DOCK5: variants seen among roughly 807,000 people sequenced by gnomAD.
DOCK5 encodes dedicator of cytokinesis 5.
In DOCK5, 142 loss-of-function variants were observed where a neutral mutation model predicts 251.8. That is an observed-to-expected ratio of 0.56 (90% CI 0.49 to 0.65). The LOEUF (loss-of-function observed/expected upper bound fraction) is 0.65, where lower values mean the gene tolerates loss of function less well. Among genes scored for constraint, DOCK5 ranks in the 30% least tolerant of loss-of-function variants. DOCK5 has a pLI of 0.00. For missense variants in DOCK5, 2,111 were observed against 2,312.3 expected, an observed-to-expected ratio of 0.91 and a Z score of 1.79; for synonymous variants, 842 against 835.5, an observed-to-expected ratio of 1.01 and a Z score of -0.13.
At chr8:25,314,823 C>T (rs1805200044) in intron 13 of DOCK5, among the ~76,000 whole-genome samples, 1 of 142,134 alleles carries the variant, frequency 7.0e-6, no homozygotes, top group African/African-American at 2.6e-5. Context: ...CTTGATATCT[C>T]CTTTTCCTTT....
At chr8:25,198,327 G>T (rs992694622) in intron 1 of DOCK5, among the ~76,000 whole-genome samples, 2 of 152,128 alleles carry the variant, frequency 1.3e-5, no homozygotes, top group Non-Finnish European at 2.9e-5. Context: ...TCCCAGCACT[G>T]TGGGAAGCTG....
chr8:25,331,781 CATATAT>C (rs746849662), intron 18 of DOCK5, among the ~76,000 whole-genome samples: 31 of 131,212 alleles, frequency 2.4e-4, no homozygotes, highest in African/African-American at 9.1e-4. Flanking sequence ...TAAATTAATG[CATATAT>C]ATATATATAT....
intron 45 of DOCK5, among the ~76,000 whole-genome samples, chr8:25,396,513 G>A (rs1801347851): frequency 1.3e-5 from 2 of 152,186 alleles, no homozygotes; most frequent in African/African-American, 4.8e-5. Flanking sequence ...CCATGGGATA[G>A]GGTTAGGATG....
intron 38 of DOCK5, among the ~76,000 whole-genome samples, chr8:25,377,868 G>GC (rs796070114): frequency 4.0e-5 from 6 of 151,828 alleles, no homozygotes; most frequent in African/African-American, 1.4e-4. Flanking sequence ...CAATCAGGAA[G>GC]CTCACCCAAG....
chr8:25,369,408 C>T (rs537023006), intron 33 of DOCK5, 148 bp from the exon 34 acceptor site: 2 of 549,528 alleles, frequency 3.6e-6, no homozygotes, highest in South Asian at 6.0e-5. Flanking sequence ...CCTTGGTGCA[C>T]AGTTTATGAG....
rs944379497 is a variant in DOCK5, at chr8:25,390,231, A to T, written c.4299A>T (p.Pro1433=). The T allele has an allele frequency of 1.3e-6, 2 of 1,595,734 alleles. No individual in the cohort carries two copies. Among genetic ancestry groups the T allele is most frequent in the Admixed American group, 3.5e-5 (2 of 57,278 alleles). Residue 1433 remains proline, a synonymous_variant, in exon 42 of 52, where the codon CCA becomes CCT. Coordinates refer to ENST00000276440, the MANE Select transcript of DOCK5 (RefSeq NM_024940.8). ...KQYMQCFTVK[P]VMSLPPSYKD... ...ACATGCAGTGCTTCACTGTAAAGCC[A>T]GTGATGAGCTTGCCGCCCAGCTACA...
chr8:25,394,325 T>G (rs1426183212), intron 44 of DOCK5, among the ~76,000 whole-genome samples: 1 of 152,098 alleles, frequency 6.6e-6, no homozygotes, highest in Non-Finnish European at 1.5e-5. Flanking sequence ...TGTTGACTGA[T>G]AATGGGTAAA....
intron 13 of DOCK5, among the ~76,000 whole-genome samples, chr8:25,314,264 A>G (rs1805178625): frequency 6.6e-6 from 1 of 151,196 alleles, no homozygotes; most frequent in Non-Finnish European, 1.5e-5. Flanking sequence ...AGCATGAGCC[A>G]CCACATCTGG....
In DOCK5 at chr8:25,377,829, G is replaced by T. The variant is rs548433003; in HGVS notation, c.3936+405G>T. ...TGTGTCTTCCCCCTGTGAACTCGGG[G>T]CACCTTCCCAGCAAATCAGTGTGTT... On this transcript the variant is annotated intron_variant, in intron 38 of 51. Transcript: ENST00000276440. 2.0e-5 allele frequency among the ~76,000 whole-genome samples: 3 copies of T among 152,122 alleles called. No homozygotes were observed. In the South Asian group the frequency reaches 6.2e-4, roughly 32 times the overall value.
chr8:25,347,049 G>T (rs1028860261), intron 26 of DOCK5, among the ~76,000 whole-genome samples: 2 of 152,170 alleles, frequency 1.3e-5, no homozygotes, highest in Non-Finnish European at 2.9e-5. Flanking sequence ...CCACAGAACA[G>T]GAAAACCACT....
intron 8 of DOCK5, among the ~76,000 whole-genome samples, chr8:25,299,926 T>C (rs1275593385): frequency 1.3e-5 from 2 of 152,172 alleles, no homozygotes; most frequent in Non-Finnish European, 1.5e-5. Context: ...AAAATTAAAT[T>C]CTTTTTTTAT....
At position 25,308,758 on chromosome 8, in the gene DOCK5, T is replaced by C; in HGVS notation, c.1050-25T>C. ...AGACTTCCTTTCTCCCCCTCCCACC[T>C]TACCTCTTATTTCTCTTTCCCAAGA... On this transcript the variant is annotated intron_variant, in intron 11 of 51. Transcript: ENST00000276440. The C allele has an allele frequency of 1.9e-6, 3 of 1,612,524 alleles. No homozygotes were observed. In the South Asian group the frequency reaches 3.3e-5, roughly 18 times the overall value.
chr8:25,284,802 G>A (rs1341780266), intron 5 of DOCK5, among the ~76,000 whole-genome samples: 3 of 152,208 alleles, frequency 2.0e-5, no homozygotes, highest in Non-Finnish European at 4.4e-5. Context: ...CAAGTCAAAG[G>A]ATCATACTTT....
intron 48 of DOCK5, 108 bp downstream of exon 48, chr8:25,403,832 C>T (rs1202109780): frequency 3.5e-6 from 4 of 1,138,522 alleles, no homozygotes; most frequent in African/African-American, 1.6e-5. Flanking sequence ...GGGTCATTCT[C>T]ATTGTCTTCC....
intron 30 of DOCK5, among the ~76,000 whole-genome samples, chr8:25,365,912 A>G (rs922954704): frequency 1.3e-5 from 2 of 152,230 alleles, no homozygotes; most frequent in African/African-American, 2.4e-5. Context: ...ATGCATGCAC[A>G]TATAGATGAA....
At chr8:25,369,853 G>A (rs1800843281) in intron 34 of DOCK5, among the ~76,000 whole-genome samples, 1 of 152,154 alleles carries the variant, frequency 6.6e-6, no homozygotes, top group Non-Finnish European at 1.5e-5. Flanking sequence ...TTCCTGGCCA[G>A]CCTGGCCCTA....
chr8:25,214,110 A>G (rs1802169286), intron 1 of DOCK5, among the ~76,000 whole-genome samples: 1 of 152,190 alleles, frequency 6.6e-6, no homozygotes, highest in Non-Finnish European at 1.5e-5. Flanking sequence ...ACATTGAACC[A>G]TCAGAAAGCA....
At chr8:25,287,361 G>T (rs2874388) in intron 5 of DOCK5, among the ~76,000 whole-genome samples, 2 of 151,834 alleles carry the variant, frequency 1.3e-5, no homozygotes, top group African/African-American at 2.4e-5. Context: ...AGGAGGTGGA[G>T]GTTGCTGTGA....
In DOCK5 at chr8:25,310,613, T is replaced by C. The variant is rs921800811; in HGVS notation, c.1318+81T>C. On this transcript the variant is annotated intron_variant, in intron 13 of 51. Transcript: ENST00000276440. The stretch of plus-strand genomic sequence containing the variant: ...TATTGGACGGTGGAGGCAACTTGGA[T>C]CCAGAAGACTTGGTTATTTACATTC... 8 of 1,463,778 alleles carry C rather than the reference T, an allele frequency of 5.5e-6. No homozygotes were observed. The African/African-American group carries it at 1.1e-4, about 21-fold the overall frequency. 90.7% of individuals were successfully genotyped at this position (1,463,778 alleles called of 1,614,324 possible). A position where few individuals can be genotyped will look rare whatever the true frequency, so the allele number is the denominator to read the frequency against.
Sources: gnomAD v4.1 joint callset for allele counts (sites outside exome capture counted in the v4.1 genomes callset) on GRCh38, gnomAD v4.1.1 for gene constraint, MANE v1.5 for transcripts, NCBI Gene and HGNC (gene_info 2026-07-23, HGNC 2026-07-21) for gene names.